DDX60: variants seen among roughly 807,000 people sequenced by gnomAD.
DDX60 encodes probable ATP-dependent RNA helicase DDX60.
A neutral mutation model predicts 212.8 loss-of-function variants in DDX60; 165 were observed. That is an observed-to-expected ratio of 0.78 (90% CI 0.68 to 0.88). DDX60 has a LOEUF of 0.88. DDX60 is among the 40% of genes least tolerant of loss of function. DDX60 has a pLI of 0.00. For missense variants in DDX60, 1,905 were observed against 2,003.9 expected (o/e 0.95, Z 0.94); for synonymous variants, 703 against 685.3 (o/e 1.03, Z -0.40).
At chr4:168,262,219 G>A (rs957116244) in intron 23 of DDX60, 91 bp from the exon 24 acceptor site, 3 of 1,401,152 alleles carry the variant, frequency 2.1e-6, no homozygotes, top group African/African-American at 3.0e-5. Flanking sequence ...AGCCTTACAA[G>A]TTTCTTGAGC....
At chr4:168,235,639 G>A (rs187733002) in intron 33 of DDX60, among the ~76,000 whole-genome samples, 1 of 152,066 alleles carries the variant, frequency 6.6e-6, no homozygotes, top group Non-Finnish European at 1.5e-5. Flanking sequence ...TTTCACTAAG[G>A]TTATCTTGTA....
chr4:168,259,371 A>G (rs1001699993), intron 25 of DDX60, among the ~76,000 whole-genome samples: 5 of 152,210 alleles, frequency 3.3e-5, no homozygotes, highest in African/African-American at 9.6e-5. Flanking sequence ...GAAATGGGTG[A>G]GCTTTGTAAA....
At chr4:168,294,480 ACATT>A (rs1736252955) in intron 6 of DDX60, among the ~76,000 whole-genome samples, 1 of 140,334 alleles carries the variant, frequency 7.1e-6, no homozygotes, top group African/African-American at 2.8e-5. Flanking sequence ...TGCAAACGAT[ACATT>A]TATTTATTTA....
At chr4:168,242,905 C>T (rs989136132) in intron 30 of DDX60, among the ~76,000 whole-genome samples, 3 of 152,088 alleles carry the variant, frequency 2.0e-5, no homozygotes, top group Non-Finnish European at 4.4e-5. Context: ...CCCACAATTC[C>T]CATGGGTTGT....
intron 33 of DDX60, among the ~76,000 whole-genome samples, chr4:168,228,451 T>C (rs1406305150): frequency 1.3e-5 from 2 of 152,082 alleles, no homozygotes; most frequent in Non-Finnish European, 2.9e-5. Flanking sequence ...ACTCATTATA[T>C]ATTTTTTCTC....
chr4:168,253,779 G>A (rs946131675), intron 26 of DDX60, among the ~76,000 whole-genome samples: 2 of 152,052 alleles, frequency 1.3e-5, no homozygotes, highest in African/African-American at 4.8e-5. Flanking sequence ...ATGCTACTAG[G>A]AATCTACCTA....
chr4:168,301,647 T>A (rs745602199), intron 6 of DDX60, among the ~76,000 whole-genome samples: 7 of 151,152 alleles, frequency 4.6e-5, no homozygotes, highest in Non-Finnish European at 7.4e-5. Context: ...AAGGAAAGAG[T>A]GAAATAAAAG....
intron 30 of DDX60, among the ~76,000 whole-genome samples, chr4:168,241,081 G>A (rs141304558): frequency 1.5e-4 from 23 of 152,344 alleles, no homozygotes; most frequent in Middle Eastern, 3.4e-3. Flanking sequence ...GAATTCCCCT[G>A]CACAAGCTTG....
intron 19 of DDX60, among the ~76,000 whole-genome samples, chr4:168,270,937 G>T (rs1735069634): frequency 6.9e-6 from 1 of 145,960 alleles, no homozygotes; most frequent in African/African-American, 2.6e-5. Flanking sequence ...GAGTGCAGTG[G>T]TACGATCTTG....
At chr4:168,217,790 A>T (rs530747917) in intron 37 of DDX60, among the ~76,000 whole-genome samples, 2 of 152,282 alleles carry the variant, frequency 1.3e-5, no homozygotes, top group African/African-American at 4.8e-5. Context: ...GAATGCCGGC[A>T]GCCTCTAAAA....
chr4:168,229,380 A>G (rs1733368228), intron 33 of DDX60, among the ~76,000 whole-genome samples: 1 of 152,122 alleles, frequency 6.6e-6, no homozygotes, highest in African/African-American at 2.4e-5. Flanking sequence ...GCCGTTTCTG[A>G]CTTTGTCTCA....
At chr4:168,316,366 T>G (rs922786106) in intron 1 of DDX60, among the ~76,000 whole-genome samples, 1 of 152,156 alleles carries the variant, frequency 6.6e-6, no homozygotes, top group Non-Finnish European at 1.5e-5. Flanking sequence ...AGTCACAAAC[T>G]GCTGTAAAAT....
At chr4:168,261,056 T>C in intron 24 of DDX60, 67 bp from the exon 25 acceptor site, 1 of 1,510,314 alleles carries the variant, frequency 6.6e-7, no homozygotes, top group Non-Finnish European at 9.0e-7. Context: ...TACTTTTTGC[T>C]AAAATATTTT....
In DDX60 at chr4:168,288,086, A is replaced by C. The variant is rs1177185683; in HGVS notation, c.1183+88T>G. The stretch of plus-strand genomic sequence containing the variant: ...AAATAATTGCTATGTTATATGTTGG[A>C]AGTACAGAAAAATTATTTTGTAGTT... On this transcript the variant is annotated intron_variant, in intron 9 of 37. Coordinates refer to ENST00000393743, the MANE Select transcript of DDX60 (RefSeq NM_017631.6). 3 of 858,548 alleles carry C rather than the reference A, an allele frequency of 3.5e-6. No homozygotes were observed. The African/African-American group carries it at 5.3e-5, about 15-fold the overall frequency. The allele number at this position is 858,548 out of a possible 1,614,324, so 53.2% of individuals were successfully genotyped here.
rs376045750 is a variant in DDX60 at position 168,216,606 on chromosome 4, G to A, written c.*327C>T. 5 of 169,382 alleles carry A rather than the reference G, an allele frequency of 3.0e-5. No homozygotes were observed. The highest frequency in any genetic ancestry group is 1.6e-4 in the East Asian group (1 of 6,214). The allele number at this position is 169,382 out of a possible 1,614,324, so 10.5% of individuals were successfully genotyped here. ...ATAATATTATATTTACTTTGGCTTC[G>A]CAGAGTAAAAATTGTTATTCAGTCA... On this transcript the variant is annotated 3_prime_UTR_variant, in exon 38 of 38. Transcript: ENST00000393743.
At chr4:168,220,625 C>G (rs1275519211) in intron 37 of DDX60, 30 bp downstream of exon 37, 7 of 1,192,772 alleles carry the variant, frequency 5.9e-6, no homozygotes. Flanking sequence ...ATTAAAAAAT[C>G]TAAAATCAAT....
chr4:168,227,347 C>T (rs1051718955), intron 33 of DDX60, among the ~76,000 whole-genome samples: 36 of 151,878 alleles, frequency 2.4e-4, no homozygotes, highest in African/African-American at 6.0e-4. Flanking sequence ...AAATACGTTG[C>T]TATAAAGTCA....
rs1438565041 is a variant in DDX60, at chr4:168,306,491, G to A, written c.494C>T (p.Ser165Phe). The A allele has an allele frequency of 1.2e-6, 2 of 1,614,160 alleles. No individual in the cohort carries two copies. The highest frequency in any genetic ancestry group is 8.5e-7 in the Non-Finnish European group (1 of 1,180,006). The change falls in exon 5 of 38, where the codon TCT becomes TTT. Residue 165 changes from serine to phenylalanine, a missense_variant. By Grantham distance (155) the Ser-to-Phe change is radical. Coordinates refer to ENST00000393743, the MANE Select transcript of DDX60 (RefSeq NM_017631.6). ...TACAACGTTGACCTTCCTTGCCCAA[G>A]AATGAATGATTAAAAAGTTGAAAAG... Reference protein sequence around the residue: ...TQLFNFLIIHSWARKVNVVLS... With the variant: ...TQLFNFLIIHFWARKVNVVLS...
Position 168,255,715 on chromosome 4 carries a change from T to C in DDX60, c.3553A>G (p.Ile1185Val). The change falls in exon 26 of 38, where the codon ATC becomes GTC. Residue 1185 changes from isoleucine to valine, a missense_variant. By Grantham distance (29) the Ile-to-Val change is conservative. Transcript: ENST00000393743. ...KVKKSIEKQK[I>V]IDEKSQKKTR... ...TTTGTTTAGTTAACTACTTACATGA[T>C]CTTTTGTTTCTCTATGGATTTTTTA... The C allele has an allele frequency of 6.3e-7, 1 of 1,585,756 alleles. No individual in the cohort carries two copies. Among genetic ancestry groups the C allele is most frequent in the Non-Finnish European group, 8.5e-7 (1 of 1,172,476 alleles).
Sources: allele counts gnomAD v4.1 joint callset (sites outside exome capture counted in the v4.1 genomes callset), GRCh38; gene constraint gnomAD v4.1.1; transcripts MANE v1.5; gene names NCBI Gene and HGNC (gene_info 2026-07-23, HGNC 2026-07-21).